Variants in NRG3 observed in about 807,000 individuals in gnomAD.
NRG3 encodes the protein pro-neuregulin-3, membrane-bound isoform.
In NRG3, 31 loss-of-function variants were observed where a neutral mutation model predicts 66.9. That is an observed-to-expected ratio of 0.46 (90% CI 0.35 to 0.63). NRG3 has a LOEUF of 0.63. NRG3 is among the 20% of genes least tolerant of loss of function. The probability of loss-of-function intolerance (pLI) is 0.00; values close to 1 mark genes in which losing one functional copy is unlikely to be tolerated. For synonymous variants in NRG3, 393 were observed against 359.4 expected (o/e 1.09, Z -1.06); for missense variants, 910 against 878.9 (o/e 1.04, Z -0.45).
intron 4 of NRG3, among the ~76,000 whole-genome samples, chr10:82,883,714 C>A (rs1842485384): frequency 6.6e-6 from 1 of 151,976 alleles, no homozygotes; most frequent in African/African-American, 2.4e-5. Flanking sequence ...CTTTCTTTTC[C>A]TGTGCACTAT....
chr10:82,354,340 G>T (rs1589827238), intron 1 of NRG3, among the ~76,000 whole-genome samples: 1 of 151,438 alleles, frequency 6.6e-6, no homozygotes, highest in African/African-American at 2.4e-5. Context: ...TGCCTGGCCT[G>T]TGATACCACT....
intron 1 of NRG3, among the ~76,000 whole-genome samples, chr10:81,969,364 G>A (rs531185058): frequency 2.0e-5 from 3 of 152,198 alleles, no homozygotes; most frequent in Non-Finnish European, 4.4e-5. Flanking sequence ...TCAATGTCTT[G>A]TTCCCCCTAA....
At chr10:82,398,073 A>G (rs1199386891) in intron 2 of NRG3, among the ~76,000 whole-genome samples, 1 of 152,164 alleles carries the variant, frequency 6.6e-6, no homozygotes, top group Non-Finnish European at 1.5e-5. Context: ...ATGGCATCTA[A>G]TCTATGCAAC....
chr10:82,285,804 A>T (rs535170993), intron 1 of NRG3, among the ~76,000 whole-genome samples: 1 of 152,136 alleles, frequency 6.6e-6, no homozygotes, highest in Non-Finnish European at 1.5e-5. Context: ...TAAAGCACTC[A>T]CCTTCTTTTT....
chr10:82,872,407 G>A (rs1225645335), intron 4 of NRG3, among the ~76,000 whole-genome samples: 2 of 152,048 alleles, frequency 1.3e-5, no homozygotes, highest in Admixed American at 6.5e-5. Context: ...TGAAGCACAC[G>A]TCTTCTTCCC....
chr10:81,980,643 G>C (rs1337239116), intron 1 of NRG3, among the ~76,000 whole-genome samples: 1 of 152,126 alleles, frequency 6.6e-6, no homozygotes, highest in Non-Finnish European at 1.5e-5. Context: ...TTGCTAGCTC[G>C]AGTGCAAGCT....
chr10:82,060,598 G>T (rs1296472994), intron 1 of NRG3, among the ~76,000 whole-genome samples: 2 of 152,162 alleles, frequency 1.3e-5, no homozygotes, highest in African/African-American at 4.8e-5. Context: ...TAGCAATCTT[G>T]TTTTTGTTTT....
At chr10:82,684,829 C>A (rs2250933) in intron 2 of NRG3, among the ~76,000 whole-genome samples, 139,254 of 152,172 alleles carry the variant, frequency 0.92, 63,774 homozygotes, top group East Asian at 1. Flanking sequence ...AAGCAAAGGT[C>A]CAAAAAATTG....
intron 2 of NRG3, among the ~76,000 whole-genome samples, chr10:82,670,262 A>G (rs1051463246): frequency 6.6e-6 from 1 of 151,234 alleles, no homozygotes; most frequent in South Asian, 2.1e-4. Flanking sequence ...TTTTTTTTCT[A>G]TCTCTCCCTC....
At chr10:82,934,385 A>G (rs1238777547) in intron 4 of NRG3, among the ~76,000 whole-genome samples, 1 of 152,186 alleles carries the variant, frequency 6.6e-6, no homozygotes, top group Non-Finnish European at 1.5e-5. Context: ...TTCAGCTGTA[A>G]CCGTATCCTC....
intron 1 of NRG3, among the ~76,000 whole-genome samples, chr10:82,159,790 G>A (rs2071444452): frequency 6.6e-6 from 1 of 151,800 alleles, no homozygotes; most frequent in Admixed American, 6.6e-5. Context: ...TCTATACAGA[G>A]GGAGTTAAAA....
intron 2 of NRG3, among the ~76,000 whole-genome samples, chr10:82,710,032 T>C (rs899574723): frequency 6.6e-6 from 1 of 152,220 alleles, no homozygotes; most frequent in Non-Finnish European, 1.5e-5. Context: ...TTATATTCCA[T>C]TATATTTTGA....
At chr10:82,157,465 A>C (rs1037779542) in intron 1 of NRG3, among the ~76,000 whole-genome samples, 1 of 151,686 alleles carries the variant, frequency 6.6e-6, no homozygotes, top group African/African-American at 2.4e-5. Flanking sequence ...ATCTCCTCCT[A>C]TGTCAAGGTC....
chr10:82,193,316 T>C (rs2074266131), intron 1 of NRG3, among the ~76,000 whole-genome samples: 1 of 152,072 alleles, frequency 6.6e-6, no homozygotes, highest in African/African-American at 2.4e-5. Flanking sequence ...CTAATTTGGG[T>C]ATTTTTAGTA....
intron 1 of NRG3, among the ~76,000 whole-genome samples, chr10:81,909,516 A>G (rs977343258): frequency 6.6e-6 from 1 of 152,192 alleles, no homozygotes; most frequent in Non-Finnish European, 1.5e-5. Context: ...TCCATCTCAC[A>G]TGATATGTAC....
At chr10:82,323,608 A>C (rs1277971174) in intron 1 of NRG3, among the ~76,000 whole-genome samples, 2 of 151,474 alleles carry the variant, frequency 1.3e-5, no homozygotes, top group Non-Finnish European at 2.9e-5. Context: ...GTGTTGGAGG[A>C]ATGTTGGCCT....
intron 1 of NRG3, among the ~76,000 whole-genome samples, chr10:82,195,258 A>T (rs931172532): frequency 2.6e-5 from 4 of 152,194 alleles, no homozygotes; most frequent in Non-Finnish European, 2.9e-5. Flanking sequence ...CTTGGAAAAA[A>T]TCCTTGTTCA....
intron 1 of NRG3, among the ~76,000 whole-genome samples, chr10:82,132,595 T>G (rs2069009020): frequency 6.9e-6 from 1 of 145,590 alleles, no homozygotes; most frequent in African/African-American, 2.5e-5. Context: ...AATAGAAGTT[T>G]GGAAGTATTT....
At chr10:82,948,030 C>A (rs112594777) in intron 4 of NRG3, among the ~76,000 whole-genome samples, 2 of 151,846 alleles carry the variant, frequency 1.3e-5, no homozygotes, top group African/African-American at 4.8e-5. Flanking sequence ...ATGTTTTCTT[C>A]TAATTTTGTA....
Sources: gnomAD v4.1 joint callset for allele counts (sites outside exome capture counted in the v4.1 genomes callset) on GRCh38, gnomAD v4.1.1 for gene constraint, MANE v1.5 for transcripts, NCBI Gene and HGNC (gene_info 2026-07-23, HGNC 2026-07-21) for gene names.